Variants in HUNK observed in about 807,000 individuals in gnomAD.
HUNK encodes the protein hormonally up-regulated Neu-associated kinase.
A neutral mutation model predicts 61.0 loss-of-function variants in HUNK; 21 were observed. The observed-to-expected ratio is 0.34, with a 90% confidence interval of 0.24 to 0.50. The LOEUF is 0.50. Ranked by LOEUF, HUNK falls within the 20% of genes least tolerant of loss-of-function variation. The pLI, the probability that HUNK is intolerant of heterozygous loss-of-function variation, is 0.98. For synonymous variants in HUNK, 371 were observed against 386.1 expected (o/e 0.96, Z 0.46); for missense variants, 772 against 945.7 (o/e 0.82, Z 2.41).
At chr21:31,909,921 T>C (rs992957190) in intron 1 of HUNK, among the ~76,000 whole-genome samples, 1 of 152,120 alleles carries the variant, frequency 6.6e-6, no homozygotes, top group East Asian at 1.9e-4. Flanking sequence ...AGCCCTTTTA[T>C]GCGGAATTCA....
At chr21:31,930,308 A>G (rs2052687989) in intron 2 of HUNK, among the ~76,000 whole-genome samples, 1 of 152,218 alleles carries the variant, frequency 6.6e-6, no homozygotes, top group African/African-American at 2.4e-5. Flanking sequence ...ATAAAGCACT[A>G]AAAACTGAGA....
At chr21:31,972,933 G>A (rs1308310846) in intron 6 of HUNK, among the ~76,000 whole-genome samples, 1 of 152,046 alleles carries the variant, frequency 6.6e-6, no homozygotes, top group African/African-American at 2.4e-5. Context: ...CTGCCAACCG[G>A]CCGTGTGCAG....
At chr21:31,881,148 TGG>T (rs1321078874) in intron 1 of HUNK, among the ~76,000 whole-genome samples, 1 of 152,170 alleles carries the variant, frequency 6.6e-6, no homozygotes, top group Non-Finnish European at 1.5e-5. Context: ...ACGGGGAATC[TGG>T]GGGTGCAGCC....
intron 1 of HUNK, among the ~76,000 whole-genome samples, chr21:31,914,386 C>A (rs1316692731): frequency 9.9e-6 from 1 of 101,458 alleles, no homozygotes. Flanking sequence ...CCAGCCTGGG[C>A]AACAAGAGTG....
intron 2 of HUNK, among the ~76,000 whole-genome samples, chr21:31,931,068 C>CAAAAAAA (rs10673838): frequency 3.2e-4 from 24 of 74,908 alleles, no homozygotes; most frequent in East Asian, 4.1e-4. Context: ...AAGACCTAAC[C>CAAAAAAA]AAAAAAAAAA....
chr21:31,982,373 T>C (rs2053103737), intron 7 of HUNK, among the ~76,000 whole-genome samples: 1 of 152,260 alleles, frequency 6.6e-6, no homozygotes, highest in Non-Finnish European at 1.5e-5. Context: ...CAGTAATTTC[T>C]GCACATGGCT....
In HUNK at chr21:31,917,695, T is replaced by TACACACACAC. The variant is rs3056146; in HGVS notation, c.262-6720_262-6711dup. On this transcript the variant is annotated intron_variant, in intron 1 of 10. Coordinates refer to ENST00000270112, the MANE Select transcript of HUNK (RefSeq NM_014586.2). ...CTCCTGAAACTCCCATTCCCAAACA[T>TACACACACAC]ACACACACACACACACACACACACA... Among the ~76,000 whole-genome samples the TACACACACAC allele has an allele frequency of 4.3e-3, 412 of 94,936 alleles. 10 individuals carry two copies. The highest frequency in any genetic ancestry group is 8.1e-3 in the East Asian group (22 of 2,728). The allele number at this position is 94,936 out of a possible 152,430, so 62.3% of individuals were successfully genotyped here.
intron 4 of HUNK, among the ~76,000 whole-genome samples, chr21:31,952,019 T>G: frequency 1.2e-5 from 1 of 85,892 alleles, no homozygotes; most frequent in Non-Finnish European, 2.6e-5. Context: ...AGTTATAAAG[T>G]ACGAGATTTT....
At chr21:31,884,457 T>C (rs528368059) in intron 1 of HUNK, among the ~76,000 whole-genome samples, 240 of 151,984 alleles carry the variant, frequency 1.6e-3, no homozygotes, top group African/African-American at 5.2e-3. Context: ...CCAGGCGTGG[T>C]GGTGGGCACC....
chr21:31,977,543 G>A (rs2053058582), intron 7 of HUNK, among the ~76,000 whole-genome samples: 1 of 152,184 alleles, frequency 6.6e-6, no homozygotes, highest in Non-Finnish European at 1.5e-5. Flanking sequence ...GTAAGATGGA[G>A]GGGTGTTAGG....
intron 1 of HUNK, among the ~76,000 whole-genome samples, chr21:31,890,606 C>T (rs937515905): frequency 6.6e-6 from 1 of 152,130 alleles, no homozygotes; most frequent in Non-Finnish European, 1.5e-5. Context: ...ATTTTTAAAT[C>T]CAGTTCCCAA....
intron 4 of HUNK, among the ~76,000 whole-genome samples, chr21:31,950,507 A>G (rs12627162): frequency 0.28 from 43,007 of 151,972 alleles, 6,306 homozygotes; most frequent in South Asian, 0.47. Context: ...GCATATGCAA[A>G]AGGCTGGTAG....
chr21:31,940,091 C>T (rs1397681332), intron 2 of HUNK, 74 bp from the exon 3 acceptor site: 20 of 1,230,100 alleles, frequency 1.6e-5, no homozygotes, highest in Non-Finnish European at 2.3e-5. Flanking sequence ...CAGTTCATTT[C>T]CCTTCAGAAG....
chr21:31,958,443 C>T (rs1412997965), intron 4 of HUNK, among the ~76,000 whole-genome samples: 2 of 152,044 alleles, frequency 1.3e-5, no homozygotes, highest in African/African-American at 2.4e-5. Flanking sequence ...GGATTACAGG[C>T]GCCCGCCACC....
intron 2 of HUNK, among the ~76,000 whole-genome samples, chr21:31,933,613 C>T (rs1202508480): frequency 6.6e-6 from 1 of 151,942 alleles, no homozygotes; most frequent in Admixed American, 6.6e-5. Context: ...GGAGAAACCC[C>T]GTCTCTACTA....
chr21:31,966,323 C>T (rs1469269722), intron 5 of HUNK, among the ~76,000 whole-genome samples: 1 of 152,140 alleles, frequency 6.6e-6, no homozygotes, highest in African/African-American at 2.4e-5. Flanking sequence ...TCTTTATCCA[C>T]TTGTTAATTG....
intron 1 of HUNK, among the ~76,000 whole-genome samples, chr21:31,903,784 C>T (rs904169018): frequency 1.2e-4 from 19 of 152,186 alleles, no homozygotes; most frequent in Non-Finnish European, 1.8e-4. Context: ...TGCATGTTCA[C>T]AAGATGAGAC....
rs2053259703 is a variant in HUNK at position 32,003,554 on chromosome 21, C to T, written c.*4370C>T. 1 of 152,152 alleles carries T rather than the reference C, an allele frequency of 6.6e-6. No individual in the cohort carries two copies. Among genetic ancestry groups the T allele is most frequent in the Non-Finnish European group, 1.5e-5 (1 of 68,044 alleles). The allele number at this position is 152,152 out of a possible 1,614,324, so 9.4% of individuals were successfully genotyped here. A position where few individuals can be genotyped will look rare whatever the true frequency, so the allele number is the denominator to read the frequency against. On this transcript the variant is annotated 3_prime_UTR_variant, in exon 11 of 11. Transcript: ENST00000270112. The stretch of plus-strand genomic sequence containing the variant: ...TGGGGTCTTCTGTGAGCTACAGGCA[C>T]AGTAAGAATAATTCAGAGCGGTACT...
Position 31,990,135 on chromosome 21 carries a change from C to G in HUNK, c.1264C>G (p.Leu422Val), listed in dbSNP as rs2053161898. The change falls in exon 9 of 11, where the codon CTG (leucine) becomes GTG (valine). Residue 422 changes from leucine to valine, a missense_variant. By Grantham distance (32) the Leu-to-Val change is conservative (BLOSUM62 1). Coordinates refer to ENST00000270112, the MANE Select transcript of HUNK (RefSeq NM_014586.2). ...AGGATGTTCCTTTTCACAGGCCTCTCTGGACACCTGGACACGAGATCTTGA... is the reference window on the plus strand; with the variant it reads ...AGGATGTTCCTTTTCACAGGCCTCTGTGGACACCTGGACACGAGATCTTGA... ...RAPKESYEASLDTWTRDLEFH... is the reference protein window; with the variant it reads ...RAPKESYEASVDTWTRDLEFH... 6.2e-7 allele frequency: 1 copy of G among 1,613,930 alleles called. No individual in the cohort carries two copies. Among genetic ancestry groups the G allele is most frequent in the South Asian group, 1.1e-5 (1 of 91,080 alleles).
Sources: gnomAD v4.1 joint callset for allele counts (sites outside exome capture counted in the v4.1 genomes callset) on GRCh38, gnomAD v4.1.1 for gene constraint, MANE v1.5 for transcripts, NCBI Gene and HGNC (gene_info 2026-07-23, HGNC 2026-07-21) for gene names.